The following MGAT4C variants were observed in gnomAD, a reference collection of about 807,000 sequenced individuals.
The protein encoded by MGAT4C is MGAT4 family member C.
A neutral mutation model predicts 40.1 loss-of-function variants in MGAT4C; 19 were observed. The observed-to-expected ratio is 0.47, with a 90% CI of 0.33 to 0.70. MGAT4C has a LOEUF of 0.70. Ranked by LOEUF, MGAT4C falls within the 30% of genes least tolerant of loss-of-function variation. The pLI, the probability that MGAT4C is intolerant of heterozygous loss-of-function variation, is 0.02. For missense variants in MGAT4C, 491 were observed against 563.2 expected (o/e 0.87, Z 1.30); for synonymous variants, 181 against 187.1 (o/e 0.97, Z 0.27).
intron 2 of MGAT4C, among the ~76,000 whole-genome samples, chr12:86,033,266 G>A (rs7309148): frequency 0.39 from 57,312 of 148,690 alleles, 13,704 homozygotes; most frequent in African/African-American, 0.47. Context: ...TATTTCATAT[G>A]ACTTTTCAGA....
intron 3 of MGAT4C, among the ~76,000 whole-genome samples, chr12:86,384,194 T>G (rs1424527619): frequency 6.6e-6 from 1 of 152,192 alleles, no homozygotes; most frequent in African/African-American, 2.4e-5. Context: ...TTGCCCAGTC[T>G]CAGGTATGTT....
At chr12:86,077,693 A>C (rs1192993307) in intron 1 of MGAT4C, among the ~76,000 whole-genome samples, 1 of 152,196 alleles carries the variant, frequency 6.6e-6, no homozygotes, top group East Asian at 1.9e-4. Context: ...TGAAGGGTCC[A>C]AGCCATTTGT....
In MGAT4C at chr12:86,199,568, T is replaced by C. The variant is rs73385321; in HGVS notation, c.-57+56671A>G. Among the ~76,000 whole-genome samples, 566 of 152,244 alleles carry C rather than the reference T, an allele frequency of 3.7e-3. 3 individuals are homozygous for C. Among genetic ancestry groups the C allele is most frequent in the African/African-American group, 0.013 (533 of 41,556 alleles). On this transcript the variant is annotated intron_variant, in intron 1 of 4. Transcript: ENST00000611864. ...TGTATTTCATGCCCTGGGTCTGTTGTAGATATTGGAGATATAGTGTAAATT... is the reference window on the plus strand; with the variant it reads ...TGTATTTCATGCCCTGGGTCTGTTGCAGATATTGGAGATATAGTGTAAATT...
intron 2 of MGAT4C, among the ~76,000 whole-genome samples, chr12:86,661,088 G>A (rs1464528945): frequency 6.6e-6 from 1 of 151,934 alleles, no homozygotes; most frequent in Non-Finnish European, 1.5e-5. Flanking sequence ...AAAGTTTATG[G>A]GTAAGAAGAC....
At chr12:86,698,972 C>T (rs189640457) in intron 2 of MGAT4C, among the ~76,000 whole-genome samples, 15 of 152,180 alleles carry the variant, frequency 9.9e-5, no homozygotes, top group African/African-American at 3.4e-4. Context: ...GGCAAGATAG[C>T]ATTCTGTGTT....
At chr12:86,677,578 G>C (rs1949890043) in intron 2 of MGAT4C, among the ~76,000 whole-genome samples, 1 of 152,104 alleles carries the variant, frequency 6.6e-6, no homozygotes, top group Admixed American at 6.6e-5. Context: ...TTTCTTTACA[G>C]AGAATTTACT....
At chr12:86,482,289 T>C (rs956398785) in intron 2 of MGAT4C, among the ~76,000 whole-genome samples, 8 of 152,076 alleles carry the variant, frequency 5.3e-5, no homozygotes, top group Admixed American at 2.6e-4. Context: ...TAAATATGCT[T>C]GAGCAACAAA....
intron 1 of MGAT4C, among the ~76,000 whole-genome samples, chr12:86,767,467 AACTATT>A (rs1352939747): frequency 2.0e-5 from 3 of 152,192 alleles, no homozygotes; most frequent in Non-Finnish European, 2.9e-5. Context: ...TTCCTTCTGA[AACTATT>A]CCAATCAATA....
At position 85,980,302 on chromosome 12, in the gene MGAT4C, C is replaced by G; in HGVS notation, c.424G>C (p.Ala142Pro). 2.5e-6 allele frequency: 4 copies of G among 1,613,926 alleles called. No homozygotes were observed. Among genetic ancestry groups the G allele is most frequent in the Non-Finnish European group, 3.4e-6 (4 of 1,179,906 alleles). ...LKEISVVVHL[A>P]DFNSSWRDAM... ...TCACGCCAGGAAGAATTAAAGTCTG[C>G]TAGGTGAACCACCACTGAAATTTCC... is the stretch of plus-strand genomic sequence containing the variant. The change falls in exon 5 of 5, where the codon GCA becomes CCA. Residue 142 changes from alanine to proline, a missense_variant. Physicochemically the swap from Ala to Pro is conservative, Grantham distance 27. Transcript: ENST00000611864.
chr12:86,313,420 CGTAA>C (rs1447207023), intron 4 of MGAT4C, among the ~76,000 whole-genome samples: 49 of 152,008 alleles, frequency 3.2e-4, no homozygotes, highest in Non-Finnish European at 5.4e-4. Flanking sequence ...CATATTTAGC[CGTAA>C]GTAACTCATA....
intron 3 of MGAT4C, among the ~76,000 whole-genome samples, chr12:86,338,418 G>A (rs904240207): frequency 2.6e-5 from 4 of 152,164 alleles, no homozygotes; most frequent in East Asian, 1.9e-4. Context: ...TTCTAGCTGC[G>A]TGACTCCTAA....
At chr12:86,789,599 T>G (rs376207458) in intron 1 of MGAT4C, among the ~76,000 whole-genome samples, 27 of 152,202 alleles carry the variant, frequency 1.8e-4, no homozygotes, top group African/African-American at 6.5e-4. Flanking sequence ...TAAATACATG[T>G]TTTATCTGTG....
At chr12:86,281,636 A>T (rs1221897443) in intron 4 of MGAT4C, among the ~76,000 whole-genome samples, 2 of 152,070 alleles carry the variant, frequency 1.3e-5, no homozygotes, top group Non-Finnish European at 2.9e-5. Context: ...CTCCTGCCTC[A>T]GCCTTCTTAA....
chr12:86,589,006 A>G (rs1961197441), intron 2 of MGAT4C, among the ~76,000 whole-genome samples: 1 of 150,788 alleles, frequency 6.6e-6, no homozygotes. Flanking sequence ...GAAAAGCAAG[A>G]GCAAACACAT....
intron 4 of MGAT4C, among the ~76,000 whole-genome samples, chr12:86,290,788 C>T (rs530932150): frequency 1.3e-5 from 2 of 151,602 alleles, no homozygotes; most frequent in East Asian, 3.9e-4. Flanking sequence ...ACTTGGAAGG[C>T]AGACCAAAGC....
At chr12:86,737,647 TA>T (rs1490396960) in intron 1 of MGAT4C, among the ~76,000 whole-genome samples, 1 of 151,370 alleles carries the variant, frequency 6.6e-6, no homozygotes, top group Non-Finnish European at 1.5e-5. Flanking sequence ...AAGCTAGTTA[TA>T]TAAAATTTAA....
At chr12:86,502,312 GA>G (rs897303764) in intron 2 of MGAT4C, among the ~76,000 whole-genome samples, 1 of 151,994 alleles carries the variant, frequency 6.6e-6, no homozygotes, top group Non-Finnish European at 1.5e-5. Flanking sequence ...TATGGAGACG[GA>G]AAAGGGATCA....
chr12:86,318,349 C>T (rs1954296554), intron 4 of MGAT4C, among the ~76,000 whole-genome samples: 2 of 152,172 alleles, frequency 1.3e-5, no homozygotes, highest in Admixed American at 1.3e-4. Flanking sequence ...GTACTGTCTA[C>T]ACCTGAAGGA....
At chr12:86,078,585 T>C (rs1870224978) in intron 1 of MGAT4C, among the ~76,000 whole-genome samples, 2 of 152,196 alleles carry the variant, frequency 1.3e-5, no homozygotes, top group South Asian at 4.1e-4. Context: ...GGCTTGTCAC[T>C]CCAAGGAATG....
Sources: gnomAD v4.1 joint callset for allele counts (sites outside exome capture counted in the v4.1 genomes callset) on GRCh38, gnomAD v4.1.1 for gene constraint, MANE v1.5 for transcripts, NCBI Gene and HGNC (gene_info 2026-07-23, HGNC 2026-07-21) for gene names.